FNDC3B: variants seen among roughly 807,000 people sequenced by gnomAD.
FNDC3B encodes the protein fibronectin type III domain-containing protein 3B.
Under a neutral mutation model 151.5 loss-of-function variants are expected in FNDC3B, and 12 were observed. That is an observed-to-expected ratio of 0.08 (90% CI 0.05 to 0.13). The LOEUF (loss-of-function observed/expected upper bound fraction) is 0.13. Ranked by LOEUF, FNDC3B falls within the 10% of genes least tolerant of loss-of-function variation. The pLI is 1.00. For missense variants in FNDC3B, 1,214 were observed against 1,505.3 expected (o/e 0.81, Z 3.20); for synonymous variants, 528 against 549.0 (o/e 0.96, Z 0.54).
At chr3:172,281,187 A>G (rs894437016) in intron 6 of FNDC3B, among the ~76,000 whole-genome samples, 5 of 151,046 alleles carry the variant, frequency 3.3e-5, no homozygotes, top group East Asian at 3.9e-4. Flanking sequence ...GTGAAACACT[A>G]TACAAGAGTG....
chr3:172,117,278 T>C (rs571457758), intron 2 of FNDC3B, among the ~76,000 whole-genome samples: 1 of 152,208 alleles, frequency 6.6e-6, no homozygotes, highest in East Asian at 1.9e-4. Flanking sequence ...AAAAATCAGG[T>C]TTCAACCTGA....
intron 14 of FNDC3B, 44 bp from the exon 15 acceptor site, chr3:172,334,900 C>A: frequency 6.4e-7 from 1 of 1,569,162 alleles, no homozygotes; most frequent in Non-Finnish European, 8.7e-7. Context: ...TTTAATGATC[C>A]CTGATAACTA....
Position 172,088,529 on chromosome 3 carries a change from C to T in FNDC3B, c.-28-23923C>T, listed in dbSNP as rs76302570. 7.4e-3 allele frequency among the ~76,000 whole-genome samples: 1,119 copies of T among 152,212 alleles called. 15 individuals carry two copies. Among genetic ancestry groups the T allele is most frequent in the African/African-American group, 0.026 (1,073 of 41,532 alleles). The stretch of plus-strand genomic sequence containing the variant: ...ATCAAATCACACAAGTCTGTACCTT[C>T]GTAATTATATTTTGAAATGCAATTG... On this transcript the variant is annotated intron_variant, in intron 1 of 25. Coordinates refer to ENST00000415807, the MANE Select transcript of FNDC3B (RefSeq NM_022763.4).
At chr3:172,369,403 C>T (rs1192300689) in intron 23 of FNDC3B, among the ~76,000 whole-genome samples, 1 of 151,992 alleles carries the variant, frequency 6.6e-6, no homozygotes, top group East Asian at 1.9e-4. Context: ...TTCTAGTCAT[C>T]CTTTTTTTAA....
At chr3:172,262,266 G>T (rs1173463548) in intron 6 of FNDC3B, among the ~76,000 whole-genome samples, 1 of 152,228 alleles carries the variant, frequency 6.6e-6, no homozygotes, top group African/African-American at 2.4e-5. Context: ...GTTGGGTGGA[G>T]ACGGGGAAAG....
intron 1 of FNDC3B, among the ~76,000 whole-genome samples, chr3:172,064,673 C>T (rs1240668877): frequency 6.6e-6 from 1 of 152,232 alleles, no homozygotes; most frequent in Non-Finnish European, 1.5e-5. Context: ...TCTTTCTGCT[C>T]AATATGCTCC....
At chr3:172,103,290 C>T (rs1293320801) in intron 1 of FNDC3B, among the ~76,000 whole-genome samples, 4 of 151,672 alleles carry the variant, frequency 2.6e-5, no homozygotes, top group African/African-American at 9.7e-5. Flanking sequence ...AATTTTTTTC[C>T]ATTTAGTTTT....
chr3:172,210,497 A>G (rs1357823145), intron 3 of FNDC3B, among the ~76,000 whole-genome samples: 2 of 152,028 alleles, frequency 1.3e-5, no homozygotes, highest in Non-Finnish European at 1.5e-5. Flanking sequence ...GTGTGACATC[A>G]TGTCTGGCTA....
chr3:172,357,459 C>T (rs928151707), intron 22 of FNDC3B, among the ~76,000 whole-genome samples: 1 of 152,210 alleles, frequency 6.6e-6, no homozygotes, highest in African/African-American at 2.4e-5. Context: ...TTTGGATAGA[C>T]TCTAATTAAT....
intron 1 of FNDC3B, among the ~76,000 whole-genome samples, chr3:172,042,078 A>G (rs1308311482): frequency 6.8e-6 from 1 of 146,304 alleles, no homozygotes; most frequent in Non-Finnish European, 1.5e-5. Flanking sequence ...TTACTTTAAG[A>G]TAAAAAAAAT....
In FNDC3B at chr3:172,295,522, AT is replaced by A; in HGVS notation, c.1001+9del. On this transcript the variant is annotated intron_variant, in intron 8 of 25. Coordinates refer to ENST00000415807, the MANE Select transcript of FNDC3B (RefSeq NM_022763.4). ...ATACAAGATAATTTACAGGTTGTGT[AT>A]GTTTCTATTGTTTTTCTTTGCTGCT... 1 of 1,611,318 alleles carries A rather than the reference AT, an allele frequency of 6.2e-7. No individual in the cohort carries two copies. The highest frequency in any genetic ancestry group is 8.5e-7 in the Non-Finnish European group (1 of 1,178,976).
chr3:172,244,296 T>G (rs1009129579), intron 4 of FNDC3B, among the ~76,000 whole-genome samples: 8 of 152,230 alleles, frequency 5.3e-5, no homozygotes, highest in Admixed American at 2.0e-4. Flanking sequence ...CTACCAAGAA[T>G]GAAGGCATAT....
At position 172,204,779 on chromosome 3, in the gene FNDC3B, C is replaced by T. The variant is rs116790163; in HGVS notation, c.188-22092C>T. Reference sequence around the variant, plus strand: ...TCGCTGCATGAACTGCGGACAGAGCCCATGGAAAAGATGTGGCATTCCTTG... The same window carrying T: ...TCGCTGCATGAACTGCGGACAGAGCTCATGGAAAAGATGTGGCATTCCTTG... On this transcript the variant is annotated intron_variant, in intron 3 of 25. Transcript: ENST00000415807. Among the ~76,000 whole-genome samples, 678 of 152,236 alleles carry T rather than the reference C, an allele frequency of 4.5e-3. 3 individuals are homozygous for T. Among genetic ancestry groups the T allele is most frequent in the African/African-American group, 0.015 (641 of 41,556 alleles).
At chr3:172,369,353 A>T (rs1399411428) in intron 23 of FNDC3B, among the ~76,000 whole-genome samples, 1 of 152,224 alleles carries the variant, frequency 6.6e-6, no homozygotes, top group Non-Finnish European at 1.5e-5. Flanking sequence ...GCAAAGTAGG[A>T]GAGTGGGAGA....
chr3:172,163,599 G>A (rs1343698545), intron 3 of FNDC3B, among the ~76,000 whole-genome samples: 1 of 152,124 alleles, frequency 6.6e-6, no homozygotes, highest in East Asian at 1.9e-4. Context: ...CATACTATAT[G>A]TATTCTTCAG....
At chr3:172,297,863 G>A (rs1022000807) in intron 8 of FNDC3B, among the ~76,000 whole-genome samples, 2 of 152,174 alleles carry the variant, frequency 1.3e-5, no homozygotes, top group Admixed American at 1.3e-4. Flanking sequence ...GAACCACAGT[G>A]TAATTATAAC....
chr3:172,129,855 A>G (rs1720982051), intron 2 of FNDC3B, among the ~76,000 whole-genome samples: 1 of 152,212 alleles, frequency 6.6e-6, no homozygotes, highest in Admixed American at 6.5e-5. Context: ...AATCAGTTTA[A>G]TGCTGACTTT....
intron 1 of FNDC3B, among the ~76,000 whole-genome samples, chr3:172,079,274 TAAATG>T (rs1718168196): frequency 1.3e-5 from 2 of 152,186 alleles, no homozygotes; most frequent in East Asian, 3.9e-4. Context: ...GGAAAAAAAA[TAAATG>T]TGTATTAAGT....
chr3:172,316,477 T>A, intron 11 of FNDC3B: 1 of 456,008 alleles, frequency 2.2e-6, no homozygotes, highest in Non-Finnish European at 4.4e-6. Flanking sequence ...CCAGTCTGTT[T>A]TAATGTTCCT....
Sources: allele counts gnomAD v4.1 joint callset (sites outside exome capture counted in the v4.1 genomes callset), GRCh38; gene constraint gnomAD v4.1.1; transcripts MANE v1.5; gene names NCBI Gene and HGNC (gene_info 2026-07-23, HGNC 2026-07-21).